Variants in TAFA1 observed in about 807,000 individuals in gnomAD.
The protein encoded by TAFA1 is chemokine-like protein TAFA-1.
A neutral mutation model predicts 18.5 loss-of-function variants in TAFA1; 4 were observed. That is an observed-to-expected ratio of 0.22 (90% CI 0.11 to 0.49). The LOEUF is 0.49. Ranked by LOEUF, TAFA1 falls within the 20% of genes least tolerant of loss-of-function variation. The probability of loss-of-function intolerance (pLI) is 0.98; values close to 1 mark genes in which losing one functional copy is unlikely to be tolerated. For synonymous variants in TAFA1, 56 were observed against 55.2 expected (o/e 1.01, Z -0.06); for missense variants, 147 against 169.0 (o/e 0.87, Z 0.72).
Position 68,381,223 on chromosome 3 carries a change from T to G in TAFA1, c.119-36057T>G, listed in dbSNP as rs930411941. On this transcript the variant is annotated intron_variant, in intron 2 of 4. Transcript: ENST00000478136. ...TAGCATGATGCCTCCAGCTTTGTTC[T>G]TTTGGCTTAGGATTCACTTGGCAAT... Among the ~76,000 whole-genome samples, 660 of 150,848 alleles carry G rather than the reference T, an allele frequency of 4.4e-3. 7 individuals are homozygous for G. Among genetic ancestry groups the G allele is most frequent in the South Asian group, 0.014 (64 of 4,674 alleles).
At chr3:68,266,566 C>T (rs934295059) in intron 2 of TAFA1, among the ~76,000 whole-genome samples, 3 of 152,096 alleles carry the variant, frequency 2.0e-5, no homozygotes, top group Non-Finnish European at 4.4e-5. Flanking sequence ...TTTATTCTCC[C>T]TTTACCGAGA....
chr3:68,110,247 T>C (rs2065248924), intron 2 of TAFA1, among the ~76,000 whole-genome samples: 1 of 152,174 alleles, frequency 6.6e-6, no homozygotes, highest in African/African-American at 2.4e-5. Flanking sequence ...CTATTCCTGT[T>C]TTAGTTTGAT....
chr3:68,108,161 G>T (rs1035704404), intron 2 of TAFA1, among the ~76,000 whole-genome samples: 1 of 152,204 alleles, frequency 6.6e-6, no homozygotes, highest in East Asian at 1.9e-4. Flanking sequence ...TGAGAGAGAT[G>T]TGTCAAATGG....
At chr3:68,445,537 A>G (rs1559673307) in intron 3 of TAFA1, among the ~76,000 whole-genome samples, 1 of 152,184 alleles carries the variant, frequency 6.6e-6, no homozygotes, top group Admixed American at 6.6e-5. Context: ...AGTTGCAGAC[A>G]CTGAAATTAG....
intron 2 of TAFA1, among the ~76,000 whole-genome samples, chr3:68,307,133 C>G (rs7626860): frequency 1.3e-5 from 2 of 152,078 alleles, no homozygotes; most frequent in Non-Finnish European, 2.9e-5. Context: ...TTGCCCTAGC[C>G]CATAGCAGTG....
intron 1 of TAFA1, among the ~76,000 whole-genome samples, chr3:68,005,395 T>C (rs1158106658): frequency 2.0e-5 from 3 of 152,224 alleles, no homozygotes; most frequent in Non-Finnish European, 4.4e-5. Flanking sequence ...TTAATTATAG[T>C]TGTCACCATT....
intron 2 of TAFA1, among the ~76,000 whole-genome samples, chr3:68,328,538 A>G (rs2068811864): frequency 6.6e-6 from 1 of 152,214 alleles, no homozygotes; most frequent in African/African-American, 2.4e-5. Flanking sequence ...AGATGTTAAC[A>G]AACATTTCAA....
At chr3:68,063,239 C>G (rs936397825) in intron 2 of TAFA1, among the ~76,000 whole-genome samples, 5 of 152,282 alleles carry the variant, frequency 3.3e-5, no homozygotes, top group East Asian at 3.9e-4. Context: ...GTAAAATAAA[C>G]TCAGGGCTGC....
At chr3:68,164,657 GT>G (rs1255769875) in intron 2 of TAFA1, among the ~76,000 whole-genome samples, 40 of 151,924 alleles carry the variant, frequency 2.6e-4, no homozygotes, top group African/African-American at 6.0e-4. Context: ...GTGTGTGTGT[GT>G]GTGGGAGGTA....
intron 2 of TAFA1, among the ~76,000 whole-genome samples, chr3:68,058,672 C>G (rs928067377): frequency 6.6e-6 from 1 of 152,174 alleles, no homozygotes; most frequent in Non-Finnish European, 1.5e-5. Flanking sequence ...AAACGATACA[C>G]AAAGCCACAC....
intron 3 of TAFA1, among the ~76,000 whole-genome samples, chr3:68,523,484 A>C (rs1265875476): frequency 2.0e-5 from 3 of 152,194 alleles, no homozygotes; most frequent in Admixed American, 2.0e-4. Context: ...CATCTCCTTT[A>C]ATCAGGAAAG....
At chr3:68,161,174 A>C (rs537803363) in intron 2 of TAFA1, among the ~76,000 whole-genome samples, 1 of 152,328 alleles carries the variant, frequency 6.6e-6, no homozygotes, top group African/African-American at 2.4e-5. Flanking sequence ...CAAGGACATA[A>C]ATTTTCCCAT....
At chr3:68,145,515 C>A (rs2065728302) in intron 2 of TAFA1, 2 of 1,035,778 alleles carry the variant, frequency 1.9e-6, no homozygotes, top group Non-Finnish European at 3.1e-6. Flanking sequence ...GTTGCAGGGG[C>A]CCTGGATGTT....
chr3:68,518,586 A>G (rs1172943509), intron 3 of TAFA1, among the ~76,000 whole-genome samples: 1 of 152,210 alleles, frequency 6.6e-6, no homozygotes, highest in Non-Finnish European at 1.5e-5. Context: ...TTACTTTTAT[A>G]ATAACAATAA....
At chr3:68,397,193 T>C (rs1020553523) in intron 2 of TAFA1, among the ~76,000 whole-genome samples, 1 of 152,186 alleles carries the variant, frequency 6.6e-6, no homozygotes, top group Admixed American at 6.5e-5. Context: ...GTACAGAACA[T>C]GTAGGTTTGT....
At chr3:68,262,900 G>T (rs373126633) in intron 2 of TAFA1, among the ~76,000 whole-genome samples, 1 of 152,114 alleles carries the variant, frequency 6.6e-6, no homozygotes, top group Non-Finnish European at 1.5e-5. Flanking sequence ...AATGTTGTAC[G>T]CATTTTAAAT....
At chr3:68,385,434 A>G (rs1418918180) in intron 2 of TAFA1, among the ~76,000 whole-genome samples, 2 of 152,076 alleles carry the variant, frequency 1.3e-5, no homozygotes, top group Non-Finnish European at 2.9e-5. Context: ...AAACCTGAAG[A>G]CCTAGATTTG....
chr3:68,164,468 T>C (rs548794725), intron 2 of TAFA1, among the ~76,000 whole-genome samples: 2 of 152,312 alleles, frequency 1.3e-5, no homozygotes, highest in African/African-American at 2.4e-5. Flanking sequence ...TTGCCCTGGG[T>C]ATGTTCTGTA....
intron 2 of TAFA1, among the ~76,000 whole-genome samples, chr3:68,233,397 C>T (rs2066893932): frequency 1.3e-5 from 2 of 151,982 alleles, no homozygotes; most frequent in Admixed American, 1.3e-4. Flanking sequence ...ATGTTCTTTC[C>T]TCAATGTATG....
Sources: allele counts gnomAD v4.1 joint callset (sites outside exome capture counted in the v4.1 genomes callset), GRCh38; gene constraint gnomAD v4.1.1; transcripts MANE v1.5; gene names NCBI Gene and HGNC (gene_info 2026-07-23, HGNC 2026-07-21).